CTNNA2: variants seen among roughly 807,000 people sequenced by gnomAD.
CTNNA2 encodes the protein catenin alpha-2.
A neutral mutation model predicts 101.0 loss-of-function variants in CTNNA2; 42 were observed. That is an observed-to-expected ratio of 0.42 (90% CI 0.32 to 0.54). The LOEUF (loss-of-function observed/expected upper bound fraction) is 0.54. CTNNA2 is among the 20% of genes least tolerant of loss of function. The probability of loss-of-function intolerance (pLI) is 0.14; values close to 1 mark genes in which losing one functional copy is unlikely to be tolerated. For missense variants in CTNNA2, 871 were observed against 1,223.1 expected (o/e 0.71, Z 4.29); for synonymous variants, 450 against 456.4 (o/e 0.99, Z 0.18).
intron 7 of CTNNA2, among the ~76,000 whole-genome samples, chr2:80,381,626 G>T (rs1319512163): frequency 6.6e-6 from 1 of 152,192 alleles, no homozygotes; most frequent in Non-Finnish European, 1.5e-5. Context: ...CCTGGCTCTG[G>T]CACTAGAGTG....
At chr2:79,728,300 G>C (rs1013904497) in intron 2 of CTNNA2, among the ~76,000 whole-genome samples, 2 of 152,122 alleles carry the variant, frequency 1.3e-5, no homozygotes, top group African/African-American at 4.8e-5. Context: ...TCTCATTGTG[G>C]TTTTGATTTG....
chr2:79,315,140 C>A (rs1195801085), intron 3 of CTNNA2, among the ~76,000 whole-genome samples: 1 of 152,018 alleles, frequency 6.6e-6, no homozygotes, highest in Admixed American at 6.5e-5. Flanking sequence ...TTTCTTCTGA[C>A]CTTCAATGGT....
intron 9 of CTNNA2, among the ~76,000 whole-genome samples, chr2:80,536,507 TAATGA>T (rs1251823468): frequency 6.6e-6 from 1 of 152,212 alleles, no homozygotes; most frequent in African/African-American, 2.4e-5. Flanking sequence ...CTGTAAAAAT[TAATGA>T]AATGATTCAG....
intron 7 of CTNNA2, among the ~76,000 whole-genome samples, chr2:79,943,590 C>CG (rs1435633164): frequency 6.6e-6 from 1 of 152,188 alleles, no homozygotes; most frequent in East Asian, 1.9e-4. Flanking sequence ...CTTGCCAGCT[C>CG]AGCACTTGCC....
At chr2:80,305,142 C>A in intron 7 of CTNNA2, 1 of 985,374 alleles carries the variant, frequency 1.0e-6, no homozygotes, top group African/African-American at 1.7e-5. Flanking sequence ...AGAGAAGACA[C>A]AGGAAGGCAA....
intron 6 of CTNNA2, among the ~76,000 whole-genome samples, 171 bp downstream of exon 6, chr2:79,874,513 A>G (rs962524358): frequency 6.6e-6 from 1 of 152,204 alleles, no homozygotes; most frequent in Non-Finnish European, 1.5e-5. Context: ...TGGCTAAGCC[A>G]TTATCACTTG....
At chr2:79,379,614 T>C (rs908635135) in intron 4 of CTNNA2, among the ~76,000 whole-genome samples, 1 of 152,204 alleles carries the variant, frequency 6.6e-6, no homozygotes, top group Admixed American at 6.5e-5. Context: ...ACGATTGTGG[T>C]TAAGATGCTT....
chr2:80,529,456 A>G (rs1690332889), intron 9 of CTNNA2, among the ~76,000 whole-genome samples: 1 of 152,226 alleles, frequency 6.6e-6, no homozygotes, highest in South Asian at 2.1e-4. Flanking sequence ...TCTTCAGGGA[A>G]TGCTAAAACA....
intron 1 of CTNNA2, among the ~76,000 whole-genome samples, chr2:79,531,996 A>T (rs1672776354): frequency 6.6e-6 from 1 of 152,104 alleles, no homozygotes; most frequent in Non-Finnish European, 1.5e-5. Flanking sequence ...AAATATTTTT[A>T]AAAATAAATC....
intron 2 of CTNNA2, among the ~76,000 whole-genome samples, chr2:79,242,342 A>G (rs1054894993): frequency 1.3e-5 from 2 of 152,142 alleles, no homozygotes; most frequent in African/African-American, 2.4e-5. Context: ...TTCAATTCTC[A>G]AAATACTAAT....
chr2:79,496,540 G>A (rs1402545784), intron 4 of CTNNA2, among the ~76,000 whole-genome samples: 1 of 151,910 alleles, frequency 6.6e-6, no homozygotes, highest in Non-Finnish European at 1.5e-5. Context: ...ATTTTTGAAT[G>A]AGCCAATATT....
At chr2:80,421,166 A>T (rs76007242) in intron 9 of CTNNA2, among the ~76,000 whole-genome samples, 1 of 152,190 alleles carries the variant, frequency 6.6e-6, no homozygotes, top group East Asian at 1.9e-4. Context: ...GGAAAAAAAA[A>T]TAATGCTGAT....
chr2:80,123,926 A>G (rs75748894), intron 7 of CTNNA2, among the ~76,000 whole-genome samples: 10,149 of 152,188 alleles, frequency 0.067, 361 homozygotes, highest in African/African-American at 0.085. Flanking sequence ...AGGACTGGCC[A>G]CATTCATTTG....
At chr2:79,912,961 A>G (rs148001513) in intron 7 of CTNNA2, among the ~76,000 whole-genome samples, 2,231 of 152,298 alleles carry the variant, frequency 0.015, 68 homozygotes, top group African/African-American at 0.051. Context: ...GCAAATTTAG[A>G]ATATTTTATT....
At chr2:79,423,660 T>C (rs1678561549) in intron 4 of CTNNA2, among the ~76,000 whole-genome samples, 1 of 152,186 alleles carries the variant, frequency 6.6e-6, no homozygotes, top group East Asian at 1.9e-4. Flanking sequence ...ATAGATTGTT[T>C]ATTTCAACTG....
Position 80,317,782 on chromosome 2 carries a change from A to C in CTNNA2, c.1057-75429A>C, listed in dbSNP as rs563397778. 1.1e-4 allele frequency among the ~76,000 whole-genome samples: 16 copies of C among 152,236 alleles called. No individual in the cohort carries two copies. The East Asian group carries it at 1.9e-3, about 18-fold the overall frequency. On this transcript the variant is annotated intron_variant, in intron 7 of 18. Coordinates refer to ENST00000402739, the MANE Select transcript of CTNNA2 (RefSeq NM_001282597.3). Reference sequence around the variant, plus strand: ...GTTTCTCAAACTCTCCCTGCACTACAACACCAATCTAAACATAACTCATTG... The same window carrying C: ...GTTTCTCAAACTCTCCCTGCACTACCACACCAATCTAAACATAACTCATTG...
At chr2:79,867,141 A>G (rs1682169122) in intron 4 of CTNNA2, among the ~76,000 whole-genome samples, 1 of 152,180 alleles carries the variant, frequency 6.6e-6, no homozygotes, top group Non-Finnish European at 1.5e-5. Flanking sequence ...AATGTTTGAG[A>G]GCAAGGTATT....
At chr2:80,383,084 T>C (rs550368422) in intron 7 of CTNNA2, among the ~76,000 whole-genome samples, 2 of 152,280 alleles carry the variant, frequency 1.3e-5, no homozygotes, top group East Asian at 1.9e-4. Flanking sequence ...ACCCCAGCTT[T>C]TAGCAATCAC....
chr2:79,504,908 T>G (rs1038975648), intron 4 of CTNNA2: 3 of 152,218 alleles, frequency 2.0e-5, no homozygotes, highest in African/African-American at 7.2e-5. Context: ...ATTCTATGGT[T>G]GGGGAATCTG....
Sources: allele counts gnomAD v4.1 joint callset (sites outside exome capture counted in the v4.1 genomes callset), GRCh38; gene constraint gnomAD v4.1.1; transcripts MANE v1.5; gene names NCBI Gene and HGNC (gene_info 2026-07-23, HGNC 2026-07-21).